Variants in WDFY3 observed in about 807,000 individuals in gnomAD.
WDFY3 encodes the protein WD repeat and FYVE domain containing 3, also known as WD repeat and FYVE domain-containing protein 3.
WDFY3 carries 66 observed loss-of-function variants against 409.6 expected under a neutral mutation model. That is an observed-to-expected ratio of 0.16 (90% CI 0.13 to 0.20). WDFY3 has a LOEUF of 0.20. Among genes scored for constraint, WDFY3 ranks in the 10% least tolerant of loss-of-function variants. WDFY3 has a pLI of 1.00. For synonymous variants in WDFY3, 1,521 were observed against 1,537.1 expected (o/e 0.99, Z 0.25); for missense variants, 3,031 against 4,298.1 (o/e 0.71, Z 8.24).
chr4:84,688,009 T>C, intron 62 of WDFY3, 77 bp downstream of exon 62: 1 of 1,478,004 alleles, frequency 6.8e-7, no homozygotes, highest in African/African-American at 1.4e-5. Context: ...CATGTTCCCC[T>C]GAGCCCCACC....
chr4:84,683,792 A>G (rs1727824592), intron 63 of WDFY3, 151 bp downstream of exon 63: 1 of 684,360 alleles, frequency 1.5e-6, no homozygotes, highest in Non-Finnish European at 2.3e-6. Flanking sequence ...CTCATGTCTG[A>G]TAACGCAGAG....
chr4:84,746,211 G>GGACC (rs1475455604), intron 36 of WDFY3, among the ~76,000 whole-genome samples: 1 of 151,696 alleles, frequency 6.6e-6, no homozygotes, highest in Non-Finnish European at 1.5e-5. Context: ...TAGCTACTTG[G>GGACC]GAGGCTGAGT....
At chr4:84,935,114 G>A (rs773828279) in intron 1 of WDFY3, among the ~76,000 whole-genome samples, 6 of 151,954 alleles carry the variant, frequency 3.9e-5, no homozygotes, top group Non-Finnish European at 5.9e-5. Context: ...TTAATTATCC[G>A]TTCTCTTGTC....
At chr4:84,717,108 C>G in intron 48 of WDFY3, 92 bp from the exon 49 acceptor site, 1 of 1,352,316 alleles carries the variant, frequency 7.4e-7, no homozygotes, top group Non-Finnish European at 9.7e-7. Context: ...AACACATGAA[C>G]AGGATGGAGG....
At chr4:84,705,325 C>G in intron 54 of WDFY3, 69 bp downstream of exon 54, 1 of 1,228,516 alleles carries the variant, frequency 8.1e-7, no homozygotes, top group Admixed American at 1.8e-5. Context: ...GTAGGAATGT[C>G]AGACCGCTAC....
chr4:84,803,588 G>A (rs1751012855), intron 15 of WDFY3, 121 bp from the exon 16 acceptor site: 1 of 1,068,420 alleles, frequency 9.4e-7, no homozygotes, highest in Non-Finnish European at 1.3e-6. Flanking sequence ...GGTTGGGATA[G>A]AAAAAAAGGA....
intron 34 of WDFY3, among the ~76,000 whole-genome samples, 195 bp from the exon 35 acceptor site, chr4:84,754,071 A>G (rs895712925): frequency 3.3e-5 from 5 of 152,170 alleles, no homozygotes; most frequent in African/African-American, 1.2e-4. Flanking sequence ...AAAACAAAAA[A>G]TCCCCTTAGA....
intron 23 of WDFY3, 119 bp downstream of exon 23, chr4:84,787,363 T>G: frequency 2.2e-6 from 2 of 906,864 alleles, no homozygotes; most frequent in Non-Finnish European, 3.3e-6. Context: ...CTGAAGAAGA[T>G]TAGAGGAGAA....
intron 54 of WDFY3, among the ~76,000 whole-genome samples, 189 bp from the exon 55 acceptor site, chr4:84,704,633 C>T (rs1731616387): frequency 6.6e-6 from 1 of 152,096 alleles, no homozygotes; most frequent in South Asian, 2.1e-4. Flanking sequence ...GACAGTAGTC[C>T]AGATTAAGTA....
chr4:84,778,694 T>C (rs1745967794), intron 26 of WDFY3, 39 bp from the exon 27 acceptor site: 5 of 1,577,756 alleles, frequency 3.2e-6, no homozygotes, highest in Non-Finnish European at 2.6e-6. Flanking sequence ...TGATAAATCA[T>C]CATATATATT....
At chr4:84,928,135 A>T (rs575407950) in intron 2 of WDFY3, among the ~76,000 whole-genome samples, 1 of 152,300 alleles carries the variant, frequency 6.6e-6, no homozygotes, top group South Asian at 2.1e-4. Context: ...AAAGCAGAAG[A>T]AGGGTGAACT....
intron 10 of WDFY3, among the ~76,000 whole-genome samples, chr4:84,825,279 A>C (rs1428957565): frequency 6.6e-6 from 1 of 152,088 alleles, no homozygotes; most frequent in East Asian, 1.9e-4. Context: ...CAATATTTTT[A>C]TATTAATTCA....
chr4:84,952,665 C>G (rs926274835), intron 1 of WDFY3, among the ~76,000 whole-genome samples: 3 of 151,640 alleles, frequency 2.0e-5, no homozygotes, highest in African/African-American at 7.3e-5. Flanking sequence ...AAATTTTTTT[C>G]GATGCTATTC....
At position 84,677,147 on chromosome 4, in the gene WDFY3, CA is replaced by C; in HGVS notation, c.10457+51del. On this transcript the variant is annotated intron_variant, in intron 67 of 67. Coordinates refer to ENST00000295888, the MANE Select transcript of WDFY3 (RefSeq NM_014991.6). Reference sequence around the variant, plus strand: ...GAACCTGTGTGCAGGACATAATTAACAACCTTAGAGCTTAATCAATGTAAAT... The same window carrying C: ...GAACCTGTGTGCAGGACATAATTAACACCTTAGAGCTTAATCAATGTAAAT... 1.9e-6 allele frequency: 3 copies of C among 1,600,626 alleles called. No homozygotes were observed. The South Asian group carries it at 3.4e-5, about 18-fold the overall frequency.
chr4:84,929,580 G>A (rs1013161087), intron 2 of WDFY3, among the ~76,000 whole-genome samples: 2 of 151,960 alleles, frequency 1.3e-5, no homozygotes, highest in African/African-American at 4.8e-5. Flanking sequence ...GGCCATCAGG[G>A]TGGGCTCTAA....
intron 18 of WDFY3, 127 bp from the exon 19 acceptor site, chr4:84,796,879 C>T (rs190068588): frequency 2.8e-6 from 2 of 707,666 alleles, no homozygotes; most frequent in Non-Finnish European, 4.6e-6. Context: ...GTGCCAAGAT[C>T]ATTATCCAGT....
At chr4:84,811,732 A>G (rs1199958352) in intron 13 of WDFY3, among the ~76,000 whole-genome samples, 1 of 152,086 alleles carries the variant, frequency 6.6e-6, no homozygotes, top group Non-Finnish European at 1.5e-5. Context: ...TTTTTTTTTA[A>G]AAGATCTCAC....
intron 6 of WDFY3, among the ~76,000 whole-genome samples, chr4:84,837,882 A>G (rs1434673370): frequency 6.6e-6 from 1 of 152,168 alleles, no homozygotes; most frequent in Non-Finnish European, 1.5e-5. Context: ...GGAGCTGGGC[A>G]TGCAAAGACG....
At chr4:84,963,221 C>T (rs1294483331) in intron 1 of WDFY3, among the ~76,000 whole-genome samples, 2 of 151,318 alleles carry the variant, frequency 1.3e-5, no homozygotes, top group East Asian at 2.0e-4. Flanking sequence ...CTCAGGAGTT[C>T]AAGACTAGCT....
Sources: allele counts gnomAD v4.1 joint callset (sites outside exome capture counted in the v4.1 genomes callset), GRCh38; gene constraint gnomAD v4.1.1; transcripts MANE v1.5; gene names NCBI Gene and HGNC (gene_info 2026-07-23, HGNC 2026-07-21).